The following OTOGL variants were observed in gnomAD, a reference collection of about 807,000 sequenced individuals.
OTOGL encodes the protein otogelin like.
Under a neutral mutation model 318.5 loss-of-function variants are expected in OTOGL, and 285 were observed. The ratio of observed to expected loss-of-function variants is 0.89; its 90% CI spans 0.81 to 0.99. The LOEUF (loss-of-function observed/expected upper bound fraction) is 0.99, where lower values mean the gene tolerates loss of function less well. Ranked by LOEUF, OTOGL falls within the 50% of genes least tolerant of loss-of-function variation. The pLI is 0.00. For missense variants in OTOGL, 2,899 were observed against 2,845.6 expected, an observed-to-expected ratio of 1.02 and a Z score of -0.43; for synonymous variants, 987 against 936.5, an observed-to-expected ratio of 1.05 and a Z score of -0.99.
intron 1 of OTOGL, among the ~76,000 whole-genome samples, chr12:80,174,714 C>T (rs1382378948): frequency 6.6e-6 from 1 of 152,102 alleles, no homozygotes; most frequent in Non-Finnish European, 1.5e-5. Flanking sequence ...CATATCTAAT[C>T]ATCTTTCCAA....
chr12:80,134,826 C>G (rs968577560), intron 1 of OTOGL, among the ~76,000 whole-genome samples: 4 of 152,196 alleles, frequency 2.6e-5, no homozygotes, highest in Admixed American at 2.6e-4. Flanking sequence ...AGGCAATTCT[C>G]ACTGCTGTTT....
chr12:80,330,124 G>T (rs1180728978), intron 37 of OTOGL, among the ~76,000 whole-genome samples: 1 of 152,134 alleles, frequency 6.6e-6, no homozygotes, highest in Non-Finnish European at 1.5e-5. Flanking sequence ...CAGTTTGAGG[G>T]GAATTGTGCC....
chr12:80,149,964 A>T (rs1872678174), intron 1 of OTOGL, among the ~76,000 whole-genome samples: 1 of 152,090 alleles, frequency 6.6e-6, no homozygotes, highest in African/African-American at 2.4e-5. Context: ...GGCACTCCCT[A>T]GTGAGATGAA....
At chr12:80,233,147 C>A in intron 9 of OTOGL, 50 bp downstream of exon 9, 1 of 1,462,130 alleles carries the variant, frequency 6.8e-7, no homozygotes, top group Non-Finnish European at 9.2e-7. Flanking sequence ...CCTTCTTCTT[C>A]CCCTGACCAA....
In OTOGL at chr12:80,377,912, G is replaced by T; in HGVS notation, c.6926G>T (p.Ser2309Ile). 1 of 1,611,262 alleles carries T rather than the reference G, an allele frequency of 6.2e-7. No homozygotes were observed. Among genetic ancestry groups the T allele is most frequent in the Non-Finnish European group, 8.5e-7 (1 of 1,178,368 alleles). The part of the protein sequence containing the change: ...SATIYNINIE[S>I]HLRFCKCCRE... ...ACCATATATAACATCAATATTGAAA[G>T]TCACCTAAGATTCTGCAAGTGTTGT... The change falls in exon 59 of 59, where the codon AGT becomes ATT. Residue 2309 changes from serine (S) to isoleucine (I), a missense_variant. Physicochemically the swap from Ser to Ile is moderately radical, Grantham distance 142. Coordinates refer to ENST00000547103, the MANE Select transcript of OTOGL (RefSeq NM_001378609.3).
chr12:80,218,006 T>C (rs1320915184), intron 5 of OTOGL, among the ~76,000 whole-genome samples: 1 of 152,236 alleles, frequency 6.6e-6, no homozygotes, highest in Non-Finnish European at 1.5e-5. Flanking sequence ...GATGGTAGTT[T>C]GAAATTTAAT....
chr12:80,134,205 A>C (rs902139379), intron 1 of OTOGL, among the ~76,000 whole-genome samples: 2 of 152,266 alleles, frequency 1.3e-5, no homozygotes, highest in Middle Eastern at 3.4e-3. Flanking sequence ...CACCAGATTC[A>C]TCTTCCTGTT....
chr12:80,295,112 A>G, intron 26 of OTOGL, among the ~76,000 whole-genome samples: 1 of 147,022 alleles, frequency 6.8e-6, no homozygotes, highest in East Asian at 2.0e-4. Flanking sequence ...AACAACAACA[A>G]CACCACCACC....
chr12:80,195,002 T>A (rs1445723676), intron 1 of OTOGL, among the ~76,000 whole-genome samples: 2 of 152,182 alleles, frequency 1.3e-5, no homozygotes, highest in African/African-American at 4.8e-5. Context: ...AGCCTCATTT[T>A]AAAAAAATGT....
At chr12:80,340,719 G>T (rs900375175) in intron 43 of OTOGL, among the ~76,000 whole-genome samples, 1 of 152,142 alleles carries the variant, frequency 6.6e-6, no homozygotes, top group Non-Finnish European at 1.5e-5. Flanking sequence ...TAGACTAGGT[G>T]CTGGCTGAAA....
At chr12:80,322,348 C>T (rs553830728) in intron 34 of OTOGL, among the ~76,000 whole-genome samples, 1 of 152,242 alleles carries the variant, frequency 6.6e-6, no homozygotes, top group East Asian at 1.9e-4. Context: ...CTAGTAGCCC[C>T]ATTTGAGGCT....
chr12:80,240,313 C>T lies in OTOGL; in HGVS notation c.1052+874C>T, dbSNP rs190607903. ...TTTACCTAACTAGCATGAACAAATACTGTGGCTCTTAAGCATTTTTATGCC... is the reference window on the plus strand; with the variant it reads ...TTTACCTAACTAGCATGAACAAATATTGTGGCTCTTAAGCATTTTTATGCC... On this transcript the variant is annotated intron_variant, in intron 11 of 58. Transcript: ENST00000547103. Among the ~76,000 whole-genome samples the T allele has an allele frequency of 1.8e-3, 269 of 152,106 alleles. 1 individual carries two copies. The highest frequency in any genetic ancestry group is 6.3e-3 in the African/African-American group (262 of 41,490).
chr12:80,328,750 T>G lies in OTOGL; in HGVS notation c.4279+6T>G. On this transcript the variant is annotated splice_donor_region_variant and intron_variant, in intron 36 of 58. Transcript: ENST00000547103. The stretch of plus-strand genomic sequence containing the variant: ...GTGTGTTTATCCACGAGACTGTAAG[T>G]GTGAACGTTGCTTAATTTACTCTGA... The G allele has an allele frequency of 6.3e-7, 1 of 1,580,994 alleles. No homozygotes were observed. The highest frequency in any genetic ancestry group is 8.7e-7 in the Non-Finnish European group (1 of 1,151,620).
At chr12:80,111,914 T>C (rs1869864492) in intron 1 of OTOGL, among the ~76,000 whole-genome samples, 1 of 152,192 alleles carries the variant, frequency 6.6e-6, no homozygotes, top group African/African-American at 2.4e-5. Context: ...GTGTCCTCTC[T>C]TATTTCCTTG....
chr12:80,357,065 A>T lies in OTOGL; in HGVS notation c.6019+151A>T, dbSNP rs75786323. ...TGAGAACTCTTGTAAAGAAAGTATG[A>T]CATTTTAAATGACTAGACAATAATA... On this transcript the variant is annotated intron_variant, in intron 49 of 58. Coordinates refer to ENST00000547103, the MANE Select transcript of OTOGL (RefSeq NM_001378609.3). Among the ~76,000 whole-genome samples the T allele has an allele frequency of 0.01, 1,597 of 152,306 alleles. 7 individuals carry two copies. The highest frequency in any genetic ancestry group is 0.017 in the Non-Finnish European group (1,141 of 68,018).
At chr12:80,272,364 G>C (rs897885364) in intron 24 of OTOGL, among the ~76,000 whole-genome samples, 2 of 151,310 alleles carry the variant, frequency 1.3e-5, no homozygotes, top group Non-Finnish European at 2.9e-5. Context: ...GTGTGTGTGT[G>C]TGTGTGTGTG....
intron 57 of OTOGL, among the ~76,000 whole-genome samples, chr12:80,374,468 A>G (rs1891071510): frequency 6.6e-6 from 1 of 152,172 alleles, no homozygotes; most frequent in Non-Finnish European, 1.5e-5. Flanking sequence ...ATTTTTAATT[A>G]CTAAGGCTTT....
At chr12:80,239,055 T>C in intron 10 of OTOGL, 77 bp downstream of exon 10, 1 of 1,405,296 alleles carries the variant, frequency 7.1e-7, no homozygotes. Context: ...ACTAAGCATT[T>C]TTTAGTGTAA....
At chr12:80,126,691 C>T (rs959544960) in intron 1 of OTOGL, among the ~76,000 whole-genome samples, 3 of 152,148 alleles carry the variant, frequency 2.0e-5, no homozygotes, top group African/African-American at 7.2e-5. Flanking sequence ...CTTTGTAGGT[C>T]TCTAAGGACT....
Sources: gnomAD v4.1 joint callset for allele counts (sites outside exome capture counted in the v4.1 genomes callset) on GRCh38, gnomAD v4.1.1 for gene constraint, MANE v1.5 for transcripts, NCBI Gene and HGNC (gene_info 2026-07-23, HGNC 2026-07-21) for gene names.